ABLIM1: variants seen among roughly 807,000 people sequenced by gnomAD.
ABLIM1 encodes actin-binding LIM protein 1.
Under a neutral mutation model 107.0 loss-of-function variants are expected in ABLIM1, and 40 were observed. The ratio of observed to expected loss-of-function variants is 0.37; its 90% CI spans 0.29 to 0.49. ABLIM1 has a LOEUF of 0.49. ABLIM1 is among the 20% of genes least tolerant of loss of function. The probability of loss-of-function intolerance (pLI) is 0.97; values close to 1 mark genes in which losing one functional copy is unlikely to be tolerated. For synonymous variants in ABLIM1, 357 were observed against 357.3 expected (o/e 1.00, Z 0.01); for missense variants, 857 against 1,008.5 (o/e 0.85, Z 2.04).
intron 4 of ABLIM1, among the ~76,000 whole-genome samples, chr10:114,567,503 T>C (rs2070931105): frequency 6.6e-6 from 1 of 152,192 alleles, no homozygotes; most frequent in South Asian, 2.1e-4. Context: ...ATAAAACAGA[T>C]ATCAAGGTTA....
the ABLIM1 span, among the ~76,000 whole-genome samples, chr10:114,777,633 C>T: frequency 6.6e-6 from 1 of 152,222 alleles, no homozygotes; most frequent in Non-Finnish European, 1.5e-5. Flanking sequence ...GGCCAAGTCT[C>T]CCAGCCTCCT....
intron 19 of ABLIM1, chr10:114,440,748 A>C: frequency 1.8e-6 from 1 of 549,446 alleles, no homozygotes; most frequent in South Asian, 1.7e-5. Context: ...GGCATGAGCC[A>C]CCATGCCTGG....
chr10:114,738,566 T>G (rs557874650), intron 1 of ABLIM1, among the ~76,000 whole-genome samples: 1 of 152,186 alleles, frequency 6.6e-6, no homozygotes. Flanking sequence ...CTTACTCTCA[T>G]GCTTTAAAAA....
intron 1 of ABLIM1, among the ~76,000 whole-genome samples, chr10:114,637,756 T>C (rs2140887586): frequency 6.6e-6 from 1 of 152,354 alleles, no homozygotes. Flanking sequence ...ACTAGAATTC[T>C]AAGGATCTTG....
At chr10:114,484,342 TA>T (rs2057853974) in intron 8 of ABLIM1, among the ~76,000 whole-genome samples, 1 of 152,002 alleles carries the variant, frequency 6.6e-6, no homozygotes, top group South Asian at 2.1e-4. Context: ...CTCCATAGAG[TA>T]GGTGCCTGTT....
Position 114,447,879 on chromosome 10 carries a change from C to T in ABLIM1, c.1735+1G>A, listed in dbSNP as rs2061261757. 1 of 1,613,912 alleles carries T rather than the reference C, an allele frequency of 6.2e-7. No homozygotes were observed. The highest frequency in any genetic ancestry group is 1.7e-5 in the Admixed American group (1 of 59,984). ...TTGACTTAGCCGTGACAGTTGCATACCTACGACAGCAAATGAGGGGGGACC... is the reference window on the plus strand; with the variant it reads ...TTGACTTAGCCGTGACAGTTGCATATCTACGACAGCAAATGAGGGGGGACC... On this transcript the variant is annotated splice_donor_variant, in intron 15 of 22. Coordinates refer to ENST00000533213, the MANE Select transcript of ABLIM1 (RefSeq NM_002313.7). LOFTEE classifies it high-confidence loss of function.
intron 1 of ABLIM1, among the ~76,000 whole-genome samples, chr10:114,669,587 A>G (rs2141367599): frequency 6.6e-6 from 1 of 152,368 alleles, no homozygotes; most frequent in Middle Eastern, 3.4e-3. Flanking sequence ...ATCAGCATTT[A>G]TTGAGCATTT....
At chr10:114,611,196 G>A (rs2076786553) in intron 1 of ABLIM1, among the ~76,000 whole-genome samples, 1 of 152,012 alleles carries the variant, frequency 6.6e-6, no homozygotes, top group Non-Finnish European at 1.5e-5. Flanking sequence ...GCTGGGCATG[G>A]TAGCTCATGC....
intron 5 of ABLIM1, among the ~76,000 whole-genome samples, chr10:114,546,063 T>A (rs1349307139): frequency 5.9e-5 from 9 of 151,414 alleles, no homozygotes; most frequent in African/African-American, 2.2e-4. Context: ...CCTCCTCAGC[T>A]CTCAGGAGGC....
intron 2 of ABLIM1, among the ~76,000 whole-genome samples, chr10:114,580,006 T>C (rs1344636980): frequency 1.3e-5 from 2 of 152,106 alleles, no homozygotes; most frequent in Admixed American, 1.3e-4. Context: ...CCTTTCCTAT[T>C]GATGAAAGGC....
intron 12 of ABLIM1, among the ~76,000 whole-genome samples, chr10:114,461,993 C>A (rs2064035543): frequency 6.6e-6 from 1 of 152,058 alleles, no homozygotes; most frequent in South Asian, 2.1e-4. Context: ...ATTTTCAAAA[C>A]ATAGAGAATG....
chr10:114,447,354 G>A (rs1269775224), intron 15 of ABLIM1, among the ~76,000 whole-genome samples: 1 of 152,138 alleles, frequency 6.6e-6, no homozygotes, highest in Non-Finnish European at 1.5e-5. Flanking sequence ...CTACTACTCT[G>A]CAATAGCCCT....
At chr10:114,472,161 T>C (rs73352077) in intron 10 of ABLIM1, among the ~76,000 whole-genome samples, 2,311 of 152,296 alleles carry the variant, frequency 0.015, 54 homozygotes, top group African/African-American at 0.053. Flanking sequence ...TTGCTTTACA[T>C]AGATTAGCTT....
At chr10:114,736,898 G>T (rs1476435861) in intron 1 of ABLIM1, among the ~76,000 whole-genome samples, 1 of 152,092 alleles carries the variant, frequency 6.6e-6, no homozygotes, top group East Asian at 1.9e-4. Flanking sequence ...ATCAGAATTT[G>T]GGAGAATTGG....
At chr10:114,545,886 G>T (rs1428236204) in intron 5 of ABLIM1, among the ~76,000 whole-genome samples, 1 of 140,916 alleles carries the variant, frequency 7.1e-6, no homozygotes, top group South Asian at 2.2e-4. Context: ...AGCCAAGATC[G>T]CACCATTGCA....
chr10:114,612,475 G>A (rs2076873577), intron 1 of ABLIM1, among the ~76,000 whole-genome samples: 2 of 152,144 alleles, frequency 1.3e-5, no homozygotes, highest in Admixed American at 1.3e-4. Context: ...ACACAAAATG[G>A]ACTAAGACAG....
intron 1 of ABLIM1, among the ~76,000 whole-genome samples, chr10:114,612,640 ACTATCC>A (rs2076886734): frequency 6.6e-6 from 1 of 152,190 alleles, no homozygotes; most frequent in African/African-American, 2.4e-5. Flanking sequence ...GGGATCTCAA[ACTATCC>A]CTGCACCAGC....
chr10:114,764,025 A>T (rs1429757894), intron 1 of ABLIM1, among the ~76,000 whole-genome samples: 1 of 152,240 alleles, frequency 6.6e-6, no homozygotes, highest in African/African-American at 2.4e-5. Context: ...AGAAACCATT[A>T]GATCTGGAAT....
the ABLIM1 span, among the ~76,000 whole-genome samples, chr10:114,792,140 G>A: frequency 1.3e-5 from 2 of 152,214 alleles, no homozygotes; most frequent in South Asian, 4.1e-4. Flanking sequence ...GGGCAACAAG[G>A]TGGGACCTCA....
Sources: allele counts gnomAD v4.1 joint callset (sites outside exome capture counted in the v4.1 genomes callset), GRCh38; gene constraint gnomAD v4.1.1; transcripts MANE v1.5; gene names NCBI Gene and HGNC (gene_info 2026-07-23, HGNC 2026-07-21).